Variants in JPH2 observed in about 807,000 individuals in gnomAD.
The protein encoded by JPH2 is junctophilin-2.
A neutral mutation model predicts 55.9 loss-of-function variants in JPH2; 38 were observed. That is an observed-to-expected ratio of 0.68 (90% CI 0.52 to 0.89). The LOEUF (loss-of-function observed/expected upper bound fraction) is 0.89. JPH2 is among the 40% of genes least tolerant of loss of function. The pLI is 0.00. For synonymous variants in JPH2, 480 were observed against 472.4 expected (o/e 1.02, Z -0.21); for missense variants, 964 against 1,037.6 (o/e 0.93, Z 0.97).
chr20:44,125,113 CAAAAA>C (rs11299035), intron 2 of JPH2, among the ~76,000 whole-genome samples: 5 of 118,004 alleles, frequency 4.2e-5, no homozygotes, highest in Non-Finnish European at 3.6e-5. Flanking sequence ...GACTCTGGCT[CAAAAA>C]AAAAAAAAAA....
At chr20:44,155,286 C>G (rs2072557790) in intron 2 of JPH2, among the ~76,000 whole-genome samples, 1 of 152,148 alleles carries the variant, frequency 6.6e-6, no homozygotes, top group African/African-American at 2.4e-5. Context: ...CACAGCTCTT[C>G]AGAAGAAGAG....
chr20:44,180,877 A>T (rs1367975941), intron 1 of JPH2, among the ~76,000 whole-genome samples: 1 of 151,076 alleles, frequency 6.6e-6, no homozygotes, highest in Non-Finnish European at 1.5e-5. Flanking sequence ...AATAACAAGC[A>T]CTAAGGACTC....
rs1569176086 is a variant in JPH2 at position 44,108,644 on chromosome 20, A to G, written c.*4874T>C. Among the ~76,000 whole-genome samples, 1 of 151,118 alleles carries G rather than the reference A, an allele frequency of 6.6e-6. No homozygotes were observed. The highest frequency in any genetic ancestry group is 1.9e-4 in the East Asian group (1 of 5,176). On this transcript the variant is annotated 3_prime_UTR_variant, in exon 6 of 6. Transcript: ENST00000372980. ...TGAGACTCTGTCTCAAAAAAAAAAAAAAAGAAAAGAGGAAGAAGAAGTGAC... is the reference window on the plus strand; with the variant it reads ...TGAGACTCTGTCTCAAAAAAAAAAAGAAAGAAAAGAGGAAGAAGAAGTGAC...
chr20:44,165,302 A>C (rs1600861364), intron 1 of JPH2, among the ~76,000 whole-genome samples: 2 of 138,892 alleles, frequency 1.4e-5, no homozygotes, highest in Non-Finnish European at 3.0e-5. Context: ...AAAAAAAAAA[A>C]CAAAAAAAAC....
At chr20:44,181,743 A>C (rs2072785218) in intron 1 of JPH2, among the ~76,000 whole-genome samples, 1 of 152,102 alleles carries the variant, frequency 6.6e-6, no homozygotes, top group Non-Finnish European at 1.5e-5. Context: ...ACTCCTGCAC[A>C]TATGTCGGGG....
At chr20:44,167,088 T>C (rs1193832532) in intron 1 of JPH2, among the ~76,000 whole-genome samples, 1 of 152,256 alleles carries the variant, frequency 6.6e-6, no homozygotes, top group East Asian at 1.9e-4. Context: ...TTGACAGTTC[T>C]AGCTTTGGCT....
intron 2 of JPH2, among the ~76,000 whole-genome samples, chr20:44,138,503 C>T (rs1168979158): frequency 2.0e-5 from 3 of 152,014 alleles, no homozygotes; most frequent in African/African-American, 4.8e-5. Context: ...CTCAGTCTCC[C>T]GAACAGCACC....
Position 44,159,771 on chromosome 20 carries a change from C to T in JPH2, c.1016G>A (p.Gly339Asp). 1 of 1,613,448 alleles carries T rather than the reference C, an allele frequency of 6.2e-7. No individual in the cohort carries two copies. The highest frequency in any genetic ancestry group is 8.5e-7 in the Non-Finnish European group (1 of 1,179,928). ...TTLPDGHREE[G>D]KYRHNVLVKD... Reference sequence around the variant, plus strand: ...GACCAGCACGTTGTGGCGGTACTTGCCCTCCTCGCGGTGGCCGTCGGGCAG... The same window carrying T: ...GACCAGCACGTTGTGGCGGTACTTGTCCTCCTCGCGGTGGCCGTCGGGCAG... The change falls in exon 2 of 6, where the codon GGC becomes GAC. Residue 339 changes from glycine to aspartate, a missense_variant. Physicochemically the swap from Gly to Asp is moderately conservative, Grantham distance 94. Transcript: ENST00000372980. The surrounding 1 kb of genome is among the most constrained non-coding windows in gnomAD (Gnocchi z 5.7).
chr20:44,147,176 C>T (rs150074993), intron 2 of JPH2, among the ~76,000 whole-genome samples: 78 of 152,262 alleles, frequency 5.1e-4, no homozygotes, highest in African/African-American at 1.8e-3. Flanking sequence ...CTTGCAAAGG[C>T]CCACGTGAAT....
At chr20:44,186,249 C>T (rs935625001) in intron 1 of JPH2, 78 bp downstream of exon 1, 2 of 1,522,936 alleles carry the variant, frequency 1.3e-6, no homozygotes, top group South Asian at 1.2e-5. Context: ...AATTGCCGGT[C>T]GCCTTTCCCA....
chr20:44,120,131 C>CAATT (rs1259526069), intron 2 of JPH2, among the ~76,000 whole-genome samples: 1 of 152,108 alleles, frequency 6.6e-6, no homozygotes, highest in Non-Finnish European at 1.5e-5. Flanking sequence ...CTCAGTAAAT[C>CAATT]ACTTACACAA....
rs1329245764 is a variant in JPH2 at position 44,110,998 on chromosome 20, G to A, written c.*2520C>T. The stretch of plus-strand genomic sequence containing the variant: ...TCCAACCCCCTCGCTGGGAACCACC[G>A]GCTGTGAGAGTAACTTCATGGGCAG... On this transcript the variant is annotated 3_prime_UTR_variant, in exon 6 of 6. Coordinates refer to ENST00000372980, the MANE Select transcript of JPH2 (RefSeq NM_020433.5). Among the ~76,000 whole-genome samples, 2 of 152,276 alleles carry A rather than the reference G, an allele frequency of 1.3e-5. No individual in the cohort carries two copies. The highest frequency in any genetic ancestry group is 2.4e-5 in the African/African-American group (1 of 41,556).
chr20:44,119,550 A>T (rs1350158694), intron 2 of JPH2, among the ~76,000 whole-genome samples: 1 of 152,162 alleles, frequency 6.6e-6, no homozygotes, highest in Non-Finnish European at 1.5e-5. Context: ...ATTGTAGCCC[A>T]TAGAAGCCAC....
intron 2 of JPH2, among the ~76,000 whole-genome samples, chr20:44,145,817 G>A (rs367736517): frequency 4.4e-4 from 67 of 152,062 alleles, no homozygotes; most frequent in African/African-American, 1.5e-3. Flanking sequence ...CTCTGACCCC[G>A]ACTCCCTGCA....
chr20:44,152,811 T>G (rs2072541127), intron 2 of JPH2, among the ~76,000 whole-genome samples: 1 of 152,334 alleles, frequency 6.6e-6, no homozygotes, highest in African/African-American at 2.4e-5. Flanking sequence ...CCTACGGCTC[T>G]TTCATACCAG....
rs1204252317 is a variant in JPH2 at position 44,110,016 on chromosome 20, TC to T, written c.*3501del. ...GGCATGGCAGGAGACCCATCAGACT[TC>T]CTAGAGCTGCCTGTGGTCAAGATTA... On this transcript the variant is annotated 3_prime_UTR_variant, in exon 6 of 6. Coordinates refer to ENST00000372980, the MANE Select transcript of JPH2 (RefSeq NM_020433.5). Among the ~76,000 whole-genome samples the T allele has an allele frequency of 6.6e-6, 1 of 152,066 alleles. No individual in the cohort carries two copies. Among genetic ancestry groups the T allele is most frequent in the Non-Finnish European group, 1.5e-5 (1 of 68,006 alleles).
chr20:44,160,626 G>A lies in JPH2; in HGVS notation c.380-219C>T, dbSNP rs964104002. Among the ~76,000 whole-genome samples the A allele has an allele frequency of 9.2e-5, 14 of 152,244 alleles. No individual in the cohort carries two copies. Among genetic ancestry groups the A allele is most frequent in the African/African-American group, 3.1e-4 (13 of 41,470 alleles). ...CCAGGAGGAGCTTGCACGATGGTAG[G>A]AATACGTTGGTGGGAACATGGCAAG... On this transcript the variant is annotated intron_variant, in intron 1 of 5. Transcript: ENST00000372980. This position sits in a 1 kb window ranked among gnomAD's most constrained non-coding sequence, Gnocchi z 4.9.
intron 1 of JPH2, among the ~76,000 whole-genome samples, chr20:44,168,876 T>C (rs2072676671): frequency 6.6e-6 from 1 of 152,234 alleles, no homozygotes; most frequent in Non-Finnish European, 1.5e-5. Flanking sequence ...GTTTGGGTCA[T>C]GGGGGCAGAT....
At chr20:44,145,485 T>A (rs1269020436) in intron 2 of JPH2, among the ~76,000 whole-genome samples, 1 of 151,614 alleles carries the variant, frequency 6.6e-6, no homozygotes, top group East Asian at 1.9e-4. Flanking sequence ...GTGCCTGTAA[T>A]CCCAGCTACT....
Sources: allele counts gnomAD v4.1 joint callset (sites outside exome capture counted in the v4.1 genomes callset), GRCh38; gene constraint gnomAD v4.1.1; non-coding constraint Gnocchi (gnomAD v3.1); transcripts MANE v1.5; gene names NCBI Gene and HGNC (gene_info 2026-07-23, HGNC 2026-07-21).